Variants in SVEP1 observed in about 807,000 individuals in gnomAD.
SVEP1 encodes the protein sushi, von Willebrand factor type A, EGF and pentraxin domain-containing protein 1.
A neutral mutation model predicts 367.3 loss-of-function variants in SVEP1; 164 were observed. The ratio of observed to expected loss-of-function variants is 0.45; its 90% CI spans 0.39 to 0.51. The LOEUF is 0.51. Ranked by LOEUF, SVEP1 falls within the 20% of genes least tolerant of loss-of-function variation. The probability of loss-of-function intolerance (pLI) is 0.00; values close to 1 mark genes in which losing one functional copy is unlikely to be tolerated. For missense variants in SVEP1, 4,117 were observed against 4,425.3 expected, an observed-to-expected ratio of 0.93 and a Z score of 1.98; for synonymous variants, 1,666 against 1,611.6, an observed-to-expected ratio of 1.03 and a Z score of -0.81.
chr9:110,369,750 T>G, intron 47 of SVEP1, 173 bp downstream of exon 47: 1 of 599,494 alleles, frequency 1.7e-6, no homozygotes, highest in East Asian at 2.8e-5. Flanking sequence ...GAACTAATAT[T>G]TCTTAGCTTT....
chr9:110,454,500 A>G lies in SVEP1; in HGVS notation c.3787+1090T>C, dbSNP rs139675553. Among the ~76,000 whole-genome samples the G allele has an allele frequency of 2.2e-4, 34 of 152,372 alleles. No individual in the cohort carries two copies. In the East Asian group the frequency reaches 6.6e-3, roughly 29 times the overall value. The stretch of plus-strand genomic sequence containing the variant: ...ATAAATTGTTCTACCAAAAAGACAC[A>G]TGCACTTGTAAGTTCATCCCAGTGC... On this transcript the variant is annotated intron_variant, in intron 22 of 47. Coordinates refer to ENST00000374469, the MANE Select transcript of SVEP1 (RefSeq NM_153366.4).
intron 6 of SVEP1, 121 bp from the exon 7 acceptor site, chr9:110,499,359 G>A (rs1279579487): frequency 3.5e-6 from 3 of 849,980 alleles, no homozygotes; most frequent in Non-Finnish European, 5.4e-6. Flanking sequence ...ATTGCTAAAT[G>A]ATAACTATAT....
rs759302918 is a variant in SVEP1 at position 110,430,433 on chromosome 9, C to G, written c.5371G>C (p.Ala1791Pro). ...TGGCCATTTTCCGGATTTCCTGGAG[C>G]CTTACATTTTATAGGTTCTAGAAAC... ...KNCAEPIKCK[A>P]PGNPENGHSS... Residue 1791 changes from alanine (A) to proline (P), a missense_variant, in exon 33 of 48, where the codon GCT becomes CCT. Transcript: ENST00000374469. The G allele has an allele frequency of 9.9e-6, 16 of 1,611,304 alleles. No individual in the cohort carries two copies. The South Asian group carries it at 1.5e-4, about 16-fold the overall frequency.
At chr9:110,484,587 A>G (rs6477771) in intron 9 of SVEP1, among the ~76,000 whole-genome samples, 19,449 of 152,238 alleles carry the variant, frequency 0.13, 1,464 homozygotes, top group Non-Finnish European at 0.17. Context: ...GCAAAAATTG[A>G]CAAATGGGAT....
Position 110,499,212 on chromosome 9 carries a change from G to C in SVEP1, c.1510C>G (p.Pro504Ala), listed in dbSNP as rs1176600085. The C allele has an allele frequency of 6.2e-7, 1 of 1,612,766 alleles. No homozygotes were observed. Among genetic ancestry groups the C allele is most frequent in the Non-Finnish European group, 8.5e-7 (1 of 1,179,252 alleles). ...TGGGGGGATATGATGACATCTTTGGGCATCTGAAAGGTGGAACAGTGGCGC... is the reference window on the plus strand; with the variant it reads ...TGGGGGGATATGATGACATCTTTGGCCATCTGAAAGGTGGAACAGTGGCGC... The part of the protein sequence containing the change: ...VERHCSTFQM[P>A]KDVIISPHNC... The change falls in exon 7 of 48, where the codon CCC becomes GCC. Residue 504 changes from proline (P) to alanine (A), a missense_variant. By Grantham distance (27) the Pro-to-Ala change is conservative. Transcript: ENST00000374469.
At chr9:110,542,003 A>G (rs1396450036) in intron 3 of SVEP1, among the ~76,000 whole-genome samples, 1 of 151,708 alleles carries the variant, frequency 6.6e-6, no homozygotes, top group Non-Finnish European at 1.5e-5. Context: ...ATTATACTAT[A>G]ATTTAAGCCC....
At chr9:110,502,046 G>T (rs1336753301) in intron 6 of SVEP1, among the ~76,000 whole-genome samples, 1 of 151,064 alleles carries the variant, frequency 6.6e-6, no homozygotes, top group African/African-American at 2.4e-5. Context: ...TCAAGAATAT[G>T]AATTGGCTGG....
intron 24 of SVEP1, among the ~76,000 whole-genome samples, chr9:110,448,811 T>A (rs573266454): frequency 6.6e-6 from 1 of 152,318 alleles, no homozygotes; most frequent in South Asian, 2.1e-4. Context: ...CAAACACCCA[T>A]GAGAAAGTGA....
intron 3 of SVEP1, among the ~76,000 whole-genome samples, chr9:110,541,151 A>G (rs1051999481): frequency 2.6e-5 from 4 of 152,256 alleles, no homozygotes; most frequent in African/African-American, 9.6e-5. Flanking sequence ...ATGAGGAAAA[A>G]CCCTTATGGG....
intron 1 of SVEP1, among the ~76,000 whole-genome samples, chr9:110,572,688 C>T (rs4573352): frequency 0.2 from 30,408 of 148,362 alleles, 3,468 homozygotes; most frequent in East Asian, 0.46. Context: ...ATGGCGAAAC[C>T]TTGTCTCTAC....
intron 20 of SVEP1, 108 bp from the exon 21 acceptor site, chr9:110,457,460 T>G: frequency 1.2e-6 from 1 of 832,786 alleles, no homozygotes; most frequent in Non-Finnish European, 1.9e-6. Context: ...TCCTCCTGTT[T>G]CCAGGTAAGT....
At chr9:110,375,497 AG>A (rs1564122198) in intron 45 of SVEP1, 34 bp from the exon 46 acceptor site, 3 of 1,377,232 alleles carry the variant, frequency 2.2e-6, no homozygotes, top group Non-Finnish European at 1.9e-6. Flanking sequence ...AAAAGGAGGC[AG>A]GGGGGATTGA....
At chr9:110,370,122 C>T (rs1052943680) in intron 46 of SVEP1, 106 bp from the exon 47 acceptor site, 5 of 980,674 alleles carry the variant, frequency 5.1e-6, no homozygotes, top group Admixed American at 2.2e-5. Context: ...GCAGCAGCCA[C>T]TGCTGGTCTT....
intron 8 of SVEP1, among the ~76,000 whole-genome samples, chr9:110,496,296 G>A (rs953290945): frequency 1.3e-5 from 2 of 152,156 alleles, no homozygotes; most frequent in Non-Finnish European, 2.9e-5. Context: ...GGGAGAGGCA[G>A]ACCCACCCTC....
chr9:110,490,504 C>T (rs192141974), intron 8 of SVEP1, among the ~76,000 whole-genome samples: 22 of 152,190 alleles, frequency 1.4e-4, no homozygotes, highest in East Asian at 1.2e-3. Flanking sequence ...TTCTTGGCTT[C>T]GGATAACAAC....
At chr9:110,484,020 C>A (rs1829239600) in intron 9 of SVEP1, among the ~76,000 whole-genome samples, 1 of 152,144 alleles carries the variant, frequency 6.6e-6, no homozygotes, top group African/African-American at 2.4e-5. Context: ...GCTGACCCAA[C>A]TGGAAGGGAA....
In SVEP1 at chr9:110,408,686, T is replaced by C; in HGVS notation, c.6914A>G (p.Gln2305Arg). 1 of 1,614,050 alleles carries C rather than the reference T, an allele frequency of 6.2e-7. No homozygotes were observed. Among genetic ancestry groups the C allele is most frequent in the Non-Finnish European group, 8.5e-7 (1 of 1,179,898 alleles). Reference sequence around the variant, plus strand: ...CTTCTTATTCCATTTGCCAGATTTCTGACATGTCCAAGAACTGTCACCAAC... The same window carrying C: ...CTTCTTATTCCATTTGCCAGATTTCCGACATGTCCAAGAACTGTCACCAAC... ...ELVGDSSWTC[Q>R]KSGKWNKKSN... The change falls in exon 38 of 48, where the codon CAG becomes CGG. Residue 2305 changes from glutamine (Q) to arginine (R), a missense_variant. Physicochemically the swap from Gln to Arg is conservative, Grantham distance 43. Transcript: ENST00000374469.
chr9:110,537,832 G>A (rs994540856), intron 3 of SVEP1, among the ~76,000 whole-genome samples: 1 of 151,586 alleles, frequency 6.6e-6, no homozygotes, highest in African/African-American at 2.4e-5. Flanking sequence ...CGAGGGATTT[G>A]TAAATTTTCC....
At chr9:110,570,970 C>CTTTTTTTTTTTTTT (rs374900472) in intron 1 of SVEP1, among the ~76,000 whole-genome samples, 1 of 114,928 alleles carries the variant, frequency 8.7e-6, no homozygotes, top group African/African-American at 3.1e-5. Flanking sequence ...CAGATGGCTC[C>CTTTTTTTTTTTTTT]TTTTTTTTTT....
Sources: allele counts gnomAD v4.1 joint callset (sites outside exome capture counted in the v4.1 genomes callset), GRCh38; gene constraint gnomAD v4.1.1; transcripts MANE v1.5; gene names NCBI Gene and HGNC (gene_info 2026-07-23, HGNC 2026-07-21).